Variants in RBM46 observed in about 807,000 individuals in gnomAD.
RBM46 encodes RNA binding motif protein 46.
In RBM46, 12 loss-of-function variants were observed where a neutral mutation model predicts 43.3. The ratio of observed to expected loss-of-function variants is 0.28; its 90% CI spans 0.18 to 0.45. The LOEUF (loss-of-function observed/expected upper bound fraction) is 0.45, where lower values mean the gene tolerates loss of function less well. RBM46 is among the 20% of genes least tolerant of loss of function. RBM46 has a pLI of 1.00. For synonymous variants in RBM46, 205 were observed against 207.6 expected (o/e 0.99, Z 0.11); for missense variants, 412 against 639.1 (o/e 0.64, Z 3.83).
intron 4 of RBM46, chr4:154,826,739 C>CT (rs34828322): frequency 0.022 from 20,857 of 929,942 alleles, 3 homozygotes; most frequent in South Asian, 0.038. Flanking sequence ...TTCATTTTTC[C>CT]TTTTTTTTTT....
At chr4:154,804,017 T>C (rs1734781210) in intron 4 of RBM46, among the ~76,000 whole-genome samples, 1 of 152,198 alleles carries the variant, frequency 6.6e-6, no homozygotes, top group South Asian at 2.1e-4. Flanking sequence ...CTTCTTGCTT[T>C]CGCTGTCTTG....
intron 4 of RBM46, among the ~76,000 whole-genome samples, chr4:154,805,661 G>A (rs1255635166): frequency 1.3e-5 from 2 of 151,536 alleles, no homozygotes; most frequent in East Asian, 3.9e-4. Flanking sequence ...TTTCTTATGA[G>A]CTATTATTAT....
At chr4:154,825,624 A>G (rs751884069) in intron 4 of RBM46, among the ~76,000 whole-genome samples, 1 of 152,236 alleles carries the variant, frequency 6.6e-6, no homozygotes, top group Non-Finnish European at 1.5e-5. Flanking sequence ...CCTTGAAAAT[A>G]TGCAGTACAA....
chr4:154,799,247 C>T lies in RBM46; in HGVS notation c.1085C>T (p.Pro362Leu), dbSNP rs145321511. 4.6e-5 allele frequency: 75 copies of T among 1,614,052 alleles called. No homozygotes were observed. The highest frequency in any genetic ancestry group is 2.7e-4 in the Admixed American group (16 of 60,008). ...ARLNGQHSPS[P>L]PEVERCTYPF... ...CTCAATGGTCAGCATAGCCCAAGTC[C>T]GCCTGAAGTTGAAAGATGCACTTAC... Residue 362 changes from proline (P) to leucine (L), a missense_variant, in exon 4 of 5, where the codon CCG becomes CTG. Around this residue, in one of 8 missense-constraint regions of RBM46, gnomAD observed 105 missense variants for 111.0 expected, o/e 0.95. Coordinates refer to ENST00000281722, the MANE Select transcript of RBM46 (RefSeq NM_144979.5).
chr4:154,824,410 T>C (rs534100352), intron 4 of RBM46, among the ~76,000 whole-genome samples: 1 of 152,204 alleles, frequency 6.6e-6, no homozygotes, highest in South Asian at 2.1e-4. Context: ...AAAGTGTTCA[T>C]AGCAGCTTTA....
intron 3 of RBM46, 77 bp from the exon 4 acceptor site, chr4:154,798,705 G>T: frequency 8.7e-7 from 1 of 1,143,936 alleles, no homozygotes; most frequent in Non-Finnish European, 1.2e-6. Flanking sequence ...GCTTCTCTGG[G>T]GAAACAGTTT....
At chr4:154,810,968 T>A (rs778486618) in intron 4 of RBM46, among the ~76,000 whole-genome samples, 12 of 152,236 alleles carry the variant, frequency 7.9e-5, no homozygotes, top group Non-Finnish European at 1.5e-4. Context: ...GATTGTTAAA[T>A]CTTGTTAAAA....
chr4:154,795,071 G>C (rs1208307385), intron 1 of RBM46, among the ~76,000 whole-genome samples: 1 of 152,126 alleles, frequency 6.6e-6, no homozygotes, highest in African/African-American at 2.4e-5. Flanking sequence ...AGGCTCTGCT[G>C]TGCAGTTTGT....
In RBM46 at chr4:154,798,998, T is replaced by C. The variant is rs748835942; in HGVS notation, c.836T>C (p.Phe279Ser). 6.2e-7 allele frequency: 1 copy of C among 1,614,150 alleles called. No homozygotes were observed. Among genetic ancestry groups the C allele is most frequent in the African/African-American group, 1.3e-5 (1 of 75,058 alleles). The change falls in exon 4 of 5, where the codon TTC becomes TCC. Residue 279 changes from phenylalanine to serine, a missense_variant. This residue lies in a region of RBM46 where 54 missense variants were observed against 102.5 expected (regional missense o/e 0.53). Coordinates refer to ENST00000281722, the MANE Select transcript of RBM46 (RefSeq NM_144979.5). ...AGAGATTATGCTTTTGTTCACTTTT[T>C]CAACCGAGAAGATGCAGTGGCTGCC... ...KLRDYAFVHF[F>S]NREDAVAAMS...
intron 1 of RBM46, among the ~76,000 whole-genome samples, chr4:154,785,316 A>G (rs556222226): frequency 1.3e-5 from 2 of 152,204 alleles, no homozygotes; most frequent in African/African-American, 4.8e-5. Flanking sequence ...CTTTAGAGAC[A>G]TGAATTAACC....
rs12651031 is a variant in RBM46 at position 154,799,197 on chromosome 4, C to A, written c.1035C>A (p.Gly345=). ...NKEESHPKTL[G]KLPTLPARLN... ...AAGAGAGCCACCCAAAAACTCTAGG[C>A]AAGCTGCCAACTCTTCCTGCTCGTC... is the stretch of plus-strand genomic sequence containing the variant. The change falls in exon 4 of 5, where the codon GGC becomes GGA. Residue 345 remains glycine, a synonymous_variant. Coordinates refer to ENST00000281722, the MANE Select transcript of RBM46 (RefSeq NM_144979.5). The A allele has an allele frequency of 0.043, 70,110 of 1,613,992 alleles. 4,429 individuals are homozygous for A. The highest frequency in any genetic ancestry group is 0.27 in the African/African-American group (20,550 of 74,946).
At chr4:154,801,601 G>C (rs1734643596) in intron 4 of RBM46, among the ~76,000 whole-genome samples, 1 of 152,148 alleles carries the variant, frequency 6.6e-6, no homozygotes, top group South Asian at 2.1e-4. Flanking sequence ...ACTTGTGTCT[G>C]ATCTACCATG....
intron 4 of RBM46, among the ~76,000 whole-genome samples, chr4:154,825,547 T>G (rs887675720): frequency 2.0e-5 from 3 of 152,220 alleles, no homozygotes; most frequent in African/African-American, 7.2e-5. Context: ...GTGAAGGATT[T>G]TTTTCCTTTG....
chr4:154,816,319 C>T (rs1336454814), intron 4 of RBM46, among the ~76,000 whole-genome samples: 1 of 151,988 alleles, frequency 6.6e-6, no homozygotes, highest in Non-Finnish European at 1.5e-5. Flanking sequence ...ATCTGTAGAT[C>T]AGTTTGGGAA....
At chr4:154,791,703 A>G (rs533584146) in intron 1 of RBM46, among the ~76,000 whole-genome samples, 1 of 152,352 alleles carries the variant, frequency 6.6e-6, no homozygotes, top group East Asian at 1.9e-4. Flanking sequence ...TAGTTGCTCT[A>G]GAGGATAATG....
At chr4:154,824,043 A>G (rs748894458) in intron 4 of RBM46, among the ~76,000 whole-genome samples, 2 of 151,726 alleles carry the variant, frequency 1.3e-5, no homozygotes, top group Non-Finnish European at 2.9e-5. Context: ...ATTAAAGATA[A>G]CATTTGATCA....
At chr4:154,809,255 T>C (rs1483002073) in intron 4 of RBM46, among the ~76,000 whole-genome samples, 1 of 152,058 alleles carries the variant, frequency 6.6e-6, no homozygotes, top group Non-Finnish European at 1.5e-5. Flanking sequence ...CATTAGCTAA[T>C]GTGGCTTGGG....
intron 1 of RBM46, among the ~76,000 whole-genome samples, chr4:154,795,340 A>G (rs1734297647): frequency 6.6e-6 from 1 of 152,198 alleles, no homozygotes; most frequent in African/African-American, 2.4e-5. Flanking sequence ...TGCACTTTAT[A>G]ACACCATGCT....
At chr4:154,823,180 T>C (rs966777189) in intron 4 of RBM46, among the ~76,000 whole-genome samples, 1 of 151,820 alleles carries the variant, frequency 6.6e-6, no homozygotes, top group African/African-American at 2.4e-5. Context: ...AAAGACCACA[T>C]AAATTTATAC....
Sources: allele counts gnomAD v4.1 joint callset (sites outside exome capture counted in the v4.1 genomes callset), GRCh38; gene constraint gnomAD v4.1.1; regional missense constraint gnomAD v4.1.1; transcripts MANE v1.5; gene names NCBI Gene and HGNC (gene_info 2026-07-23, HGNC 2026-07-21).